Variants in DGKB observed in about 807,000 individuals in gnomAD.
DGKB encodes 90 kDa diacylglycerol kinase.
DGKB carries 67 observed loss-of-function variants against 114.3 expected under a neutral mutation model. The ratio of observed to expected loss-of-function variants is 0.59; its 90% CI spans 0.48 to 0.72. The LOEUF is 0.72. DGKB is among the 30% of genes least tolerant of loss of function. The probability of loss-of-function intolerance (pLI) is 0.00; values close to 1 mark genes in which losing one functional copy is unlikely to be tolerated. For missense variants in DGKB, 907 were observed against 975.2 expected (o/e 0.93, Z 0.93); for synonymous variants, 398 against 323.1 (o/e 1.23, Z -2.49).
chr7:14,858,306 A>C (rs1850478164), intron 1 of DGKB, among the ~76,000 whole-genome samples: 2 of 152,218 alleles, frequency 1.3e-5, no homozygotes. Flanking sequence ...AAGTTCAAGA[A>C]TGACTACAAT....
intron 23 of DGKB, among the ~76,000 whole-genome samples, chr7:14,226,765 A>C (rs1447843524): frequency 1.3e-5 from 2 of 152,084 alleles, no homozygotes; most frequent in Admixed American, 1.3e-4. Context: ...CATGAAATGA[A>C]TCAATTATAT....
chr7:14,405,511 T>C (rs1425713033), intron 21 of DGKB, among the ~76,000 whole-genome samples: 1 of 152,028 alleles, frequency 6.6e-6, no homozygotes, highest in African/African-American at 2.4e-5. Flanking sequence ...ATAATCAGAT[T>C]TTATGCATTC....
chr7:14,887,664 A>G (rs1016549059), intron 1 of DGKB, among the ~76,000 whole-genome samples: 1 of 151,782 alleles, frequency 6.6e-6, no homozygotes, highest in Non-Finnish European at 1.5e-5. Flanking sequence ...TAAATCTAAA[A>G]TAGCACATTA....
At chr7:14,490,136 C>T (rs1435001084) in intron 20 of DGKB, among the ~76,000 whole-genome samples, 1 of 151,866 alleles carries the variant, frequency 6.6e-6, no homozygotes, top group African/African-American at 2.4e-5. Context: ...AAATATTGTT[C>T]TAGAGAAAAA....
At chr7:14,178,278 T>A in intron 23 of DGKB, 127 bp from the exon 24 acceptor site, 1 of 1,006,214 alleles carries the variant, frequency 9.9e-7, no homozygotes, top group Non-Finnish European at 1.4e-6. Context: ...TCTTAGAAAC[T>A]TAAAGTAATA....
At chr7:14,325,255 G>T (rs1808513091) in intron 23 of DGKB, among the ~76,000 whole-genome samples, 1 of 152,178 alleles carries the variant, frequency 6.6e-6, no homozygotes, top group Non-Finnish European at 1.5e-5. Context: ...TTGCTGAGGT[G>T]ATGTGGTCTC....
At chr7:14,471,952 A>T (rs1781478982) in intron 21 of DGKB, among the ~76,000 whole-genome samples, 1 of 152,270 alleles carries the variant, frequency 6.6e-6, no homozygotes, top group East Asian at 1.9e-4. Flanking sequence ...GGGGCTGAGA[A>T]CCTATCTTTG....
intron 25 of DGKB, among the ~76,000 whole-genome samples, chr7:14,151,466 T>A (rs531659394): frequency 0.014 from 2,108 of 149,190 alleles, 23 homozygotes; most frequent in Non-Finnish European, 0.016. Flanking sequence ...TAAAAACTTT[T>A]TAAAAAAAAA....
chr7:14,195,219 G>A (rs1285815122), intron 23 of DGKB, among the ~76,000 whole-genome samples: 1 of 152,142 alleles, frequency 6.6e-6, no homozygotes, highest in African/African-American at 2.4e-5. Context: ...GTTAGTGTGT[G>A]TGGGAATGTT....
chr7:14,405,221 A>C (rs1823754846), intron 21 of DGKB, among the ~76,000 whole-genome samples: 1 of 152,024 alleles, frequency 6.6e-6, no homozygotes, highest in Admixed American at 6.6e-5. Flanking sequence ...ATATTCTTCT[A>C]CATAACCTTG....
intron 23 of DGKB, among the ~76,000 whole-genome samples, chr7:14,321,062 G>T (rs920379397): frequency 6.6e-6 from 1 of 152,050 alleles, no homozygotes; most frequent in Non-Finnish European, 1.5e-5. Context: ...AGGATGAGGC[G>T]GGCGGATGAC....
chr7:14,187,017 AAAATAAAT>A (rs143491018), intron 23 of DGKB, among the ~76,000 whole-genome samples: 8,631 of 152,182 alleles, frequency 0.057, 553 homozygotes, highest in African/African-American at 0.15. Flanking sequence ...AACTTATGGA[AAAATAAAT>A]AAATAAATAA....
At chr7:14,811,094 G>A (rs1223488200) in intron 2 of DGKB, among the ~76,000 whole-genome samples, 1 of 152,122 alleles carries the variant, frequency 6.6e-6, no homozygotes, top group Non-Finnish European at 1.5e-5. Flanking sequence ...TTATTAAAAT[G>A]CTCTTTGATT....
intron 23 of DGKB, among the ~76,000 whole-genome samples, chr7:14,316,850 A>C (rs1015644955): frequency 6.9e-5 from 10 of 144,678 alleles, no homozygotes; most frequent in Non-Finnish European, 1.4e-4. Context: ...ATTTTAGACC[A>C]ATATCCTTGA....
chr7:14,931,839 C>A (rs999187386), intron 1 of DGKB, among the ~76,000 whole-genome samples: 1 of 140,208 alleles, frequency 7.1e-6, no homozygotes, highest in Non-Finnish European at 1.6e-5. Context: ...TCCCAGGGAG[C>A]GGGGTGGGTC....
At chr7:14,177,912 A>T in intron 24 of DGKB, 119 bp downstream of exon 24, 2 of 1,050,292 alleles carry the variant, frequency 1.9e-6, no homozygotes, top group South Asian at 1.9e-5. Flanking sequence ...TATTAGTATT[A>T]ATAACTGATT....
At chr7:14,766,774 A>AGATG (rs1392637451) in intron 2 of DGKB, among the ~76,000 whole-genome samples, 1 of 151,870 alleles carries the variant, frequency 6.6e-6, no homozygotes, top group Non-Finnish European at 1.5e-5. Flanking sequence ...CAGTTCAAGT[A>AGATG]CCAGGAAAAG....
intron 23 of DGKB, among the ~76,000 whole-genome samples, chr7:14,275,601 C>T (rs1360020351): frequency 6.6e-6 from 1 of 152,168 alleles, no homozygotes; most frequent in African/African-American, 2.4e-5. Context: ...CATAGGGTCT[C>T]TGCTCGCTAG....
intron 18 of DGKB, among the ~76,000 whole-genome samples, chr7:14,582,450 G>C (rs571531179): frequency 6.6e-6 from 1 of 152,128 alleles, no homozygotes; most frequent in Admixed American, 6.5e-5. Flanking sequence ...GCTTAACTGT[G>C]CATTCTAATC....
Sources: gnomAD v4.1 joint callset for allele counts (sites outside exome capture counted in the v4.1 genomes callset) on GRCh38, gnomAD v4.1.1 for gene constraint, MANE v1.5 for transcripts, NCBI Gene and HGNC (gene_info 2026-07-23, HGNC 2026-07-21) for gene names.